The following DPH6 variants were observed in gnomAD, a reference collection of about 807,000 sequenced individuals.
The protein encoded by DPH6 is diphthamine biosynthesis 6, also known as diphthine--ammonia ligase.
In DPH6, 33 loss-of-function variants were observed where a neutral mutation model predicts 38.2. The observed-to-expected ratio is 0.86, with a 90% CI of 0.65 to 1.15. The LOEUF is 1.15. Among genes scored for constraint, DPH6 ranks in the 50% most tolerant of loss-of-function variants. The pLI is 0.00. For synonymous variants in DPH6, 108 were observed against 103.0 expected, an observed-to-expected ratio of 1.05 and a Z score of -0.30; for missense variants, 325 against 320.0, an observed-to-expected ratio of 1.02 and a Z score of -0.12.
chr15:35,231,812 G>C (rs1337493780), intron 3 of DPH6, among the ~76,000 whole-genome samples: 1 of 152,114 alleles, frequency 6.6e-6, no homozygotes, highest in Non-Finnish European at 1.5e-5. Context: ...CACATGGTGA[G>C]AGAGGGAGCA....
rs150831360 is a variant in DPH6 at position 35,333,006 on chromosome 15, C to G, written n.208-1929G>C. Among the ~76,000 whole-genome samples, 223 of 151,538 alleles carry G rather than the reference C, an allele frequency of 1.5e-3. 1 individual carries two copies. The highest frequency in any genetic ancestry group is 3.4e-3 in the Admixed American group (52 of 15,176). ...CCTCATACAGTTCACTTCAAATGAGCAGTTATCCATACACAGCTTGTGTGA... is the reference window on the plus strand; with the variant it reads ...CCTCATACAGTTCACTTCAAATGAGGAGTTATCCATACACAGCTTGTGTGA... On this transcript the variant is annotated intron_variant and non_coding_transcript_variant, in intron 3 of 3. Transcript: ENST00000558973.
intron 3 of DPH6, among the ~76,000 whole-genome samples, chr15:35,281,159 CT>C (rs1325167138): frequency 6.6e-6 from 1 of 151,910 alleles, no homozygotes; most frequent in Non-Finnish European, 1.5e-5. Context: ...CTGTCCTTTA[CT>C]ACCACTTCAC....
chr15:35,192,480 T>C, the DPH6 span, among the ~76,000 whole-genome samples: 12 of 152,312 alleles, frequency 7.9e-5, no homozygotes, highest in Non-Finnish European at 1.3e-4. Context: ...CCATTTAAAG[T>C]TACATTAATG....
chr15:35,402,507 T>C (rs1488837389), intron 6 of DPH6, among the ~76,000 whole-genome samples: 1 of 152,136 alleles, frequency 6.6e-6, no homozygotes, highest in Non-Finnish European at 1.5e-5. Context: ...ATACTATTAA[T>C]AAACAAGGAA....
chr15:35,523,800 G>C (rs2054958868), intron 3 of DPH6, among the ~76,000 whole-genome samples: 1 of 152,042 alleles, frequency 6.6e-6, no homozygotes, highest in African/African-American at 2.4e-5. Flanking sequence ...TAATTAAAAT[G>C]TGTCACTTTT....
chr15:35,292,583 T>C (rs2051987364), intron 3 of DPH6, among the ~76,000 whole-genome samples: 4 of 152,286 alleles, frequency 2.6e-5, no homozygotes, highest in African/African-American at 9.6e-5. Flanking sequence ...GACATGGAAG[T>C]AGGACTACAG....
intron 3 of DPH6, among the ~76,000 whole-genome samples, chr15:35,320,684 A>G (rs1183898335): frequency 6.6e-6 from 1 of 152,116 alleles, no homozygotes; most frequent in Non-Finnish European, 1.5e-5. Context: ...TTCTTCGTGG[A>G]GTTGCAGGGT....
At chr15:35,377,322 C>G (rs1297187077) in intron 7 of DPH6, among the ~76,000 whole-genome samples, 1 of 151,716 alleles carries the variant, frequency 6.6e-6, no homozygotes. Context: ...CTTCCGTCCA[C>G]CCATCCATCC....
At chr15:35,334,903 T>C (rs2052357100) in intron 3 of DPH6, among the ~76,000 whole-genome samples, 1 of 152,132 alleles carries the variant, frequency 6.6e-6, no homozygotes, top group African/African-American at 2.4e-5. Flanking sequence ...TTTATATTCC[T>C]TTGGGTATAT....
chr15:35,155,976 A>C, the DPH6 span, among the ~76,000 whole-genome samples: 1 of 152,254 alleles, frequency 6.6e-6, no homozygotes, highest in South Asian at 2.1e-4. Context: ...TTTCTGACCA[A>C]GGTACCCTCT....
At chr15:35,322,102 C>T (rs1299106438) in intron 3 of DPH6, among the ~76,000 whole-genome samples, 1 of 152,088 alleles carries the variant, frequency 6.6e-6, no homozygotes, top group Non-Finnish European at 1.5e-5. Flanking sequence ...AGTCATGGGT[C>T]CACGTGGGCT....
intron 5 of DPH6, among the ~76,000 whole-genome samples, chr15:35,423,475 T>C (rs1488844238): frequency 1.3e-5 from 2 of 151,756 alleles, no homozygotes; most frequent in South Asian, 2.1e-4. Context: ...TTTGTAAATA[T>C]TGTTTTTCAC....
the DPH6 span, among the ~76,000 whole-genome samples, chr15:35,202,388 T>C: frequency 6.6e-6 from 1 of 151,788 alleles, no homozygotes; most frequent in East Asian, 1.9e-4. Context: ...TCTTTAATAA[T>C]TCTTAGAGGA....
chr15:35,167,227 A>G, the DPH6 span, among the ~76,000 whole-genome samples: 1 of 152,070 alleles, frequency 6.6e-6, no homozygotes, highest in African/African-American at 2.4e-5. Flanking sequence ...ACTCAGAAGA[A>G]TAACAAAAAG....
chr15:35,412,556 T>C (rs2053380592), intron 5 of DPH6, among the ~76,000 whole-genome samples: 1 of 151,748 alleles, frequency 6.6e-6, no homozygotes, highest in African/African-American at 2.4e-5. Context: ...TTATTCATAA[T>C]TGTCAAAATC....
chr15:35,211,148 T>C, the DPH6 span, among the ~76,000 whole-genome samples: 5 of 152,054 alleles, frequency 3.3e-5, no homozygotes, highest in Non-Finnish European at 5.9e-5. Context: ...CCCTGTTTTT[T>C]CACTATTGGA....
intron 6 of DPH6, among the ~76,000 whole-genome samples, chr15:35,382,434 T>C (rs1418289872): frequency 6.9e-6 from 1 of 145,798 alleles, no homozygotes; most frequent in East Asian, 2.0e-4. Context: ...CCGTCAAAAA[T>C]AAAAACGAAA....
At position 35,372,048 on chromosome 15, in the gene DPH6, A is replaced by T; in HGVS notation, c.*102T>A. ...AAGTATGTTTCTCTAAAAAAATAAGAGTCATGAGAAAAAAATAAACTAGTC... is the reference window on the plus strand; with the variant it reads ...AAGTATGTTTCTCTAAAAAAATAAGTGTCATGAGAAAAAAATAAACTAGTC... On this transcript the variant is annotated 3_prime_UTR_variant, in exon 9 of 9. Transcript: ENST00000256538. 3.5e-6 allele frequency: 5 copies of T among 1,443,860 alleles called. No individual in the cohort carries two copies. The South Asian group carries it at 4.6e-5, about 13-fold the overall frequency. The allele number at this position is 1,443,860 out of a possible 1,614,324, so 89.4% of individuals were successfully genotyped here. A position where few individuals can be genotyped will look rare whatever the true frequency, so the allele number is the denominator to read the frequency against.
At chr15:35,195,793 G>A in the DPH6 span, among the ~76,000 whole-genome samples, 3 of 152,166 alleles carry the variant, frequency 2.0e-5, no homozygotes, top group East Asian at 1.9e-4. Context: ...GGTTGATGCC[G>A]AAGGTAGTCA....
Sources: gnomAD v4.1 joint callset for allele counts (sites outside exome capture counted in the v4.1 genomes callset) on GRCh38, gnomAD v4.1.1 for gene constraint, MANE v1.5 for transcripts, NCBI Gene and HGNC (gene_info 2026-07-23, HGNC 2026-07-21) for gene names.